The following SH2D4B variants were observed in gnomAD, a reference collection of about 807,000 sequenced individuals.
SH2D4B encodes SH2 domain-containing protein 4B.
SH2D4B carries 45 observed loss-of-function variants against 61.5 expected under a neutral mutation model. The observed-to-expected ratio is 0.73, with a 90% CI of 0.58 to 0.94. The LOEUF (loss-of-function observed/expected upper bound fraction) is 0.94. SH2D4B is among the 40% of genes least tolerant of loss of function. The pLI, the probability that SH2D4B is intolerant of heterozygous loss-of-function variation, is 0.00. For synonymous variants in SH2D4B, 224 were observed against 220.4 expected (o/e 1.02, Z -0.14); for missense variants, 572 against 574.2 (o/e 1.00, Z 0.04).
At chr10:80,607,076 G>T (rs532248843) in intron 5 of SH2D4B, among the ~76,000 whole-genome samples, 1 of 152,258 alleles carries the variant, frequency 6.6e-6, no homozygotes, top group South Asian at 2.1e-4. Context: ...AAATTTTAAG[G>T]TATATAAATG....
intron 1 of SH2D4B, among the ~76,000 whole-genome samples, chr10:80,544,639 C>G (rs1023254669): frequency 6.6e-6 from 1 of 152,250 alleles, no homozygotes; most frequent in Non-Finnish European, 1.5e-5. Flanking sequence ...GCATGCCAGC[C>G]CTGCCTGGAC....
rs74456130 is a variant in SH2D4B at position 80,566,835 on chromosome 10, A to C, written c.185-3319A>C. Among the ~76,000 whole-genome samples, 585 of 152,246 alleles carry C rather than the reference A, an allele frequency of 3.8e-3. 29 individuals are homozygous for C. In the East Asian group the frequency reaches 0.09, roughly 23 times the overall value. On this transcript the variant is annotated intron_variant, in intron 1 of 7. Coordinates refer to ENST00000646907, the MANE Select transcript of SH2D4B (RefSeq NM_001388272.1). Reference sequence around the variant, plus strand: ...TTTATTTTTACCCACTATTAATTTGAAAGTTTTATAATTCTAAGCAGTGGT... The same window carrying C: ...TTTATTTTTACCCACTATTAATTTGCAAGTTTTATAATTCTAAGCAGTGGT...
chr10:80,637,737 A>G (rs1489569310), intron 7 of SH2D4B, among the ~76,000 whole-genome samples: 2 of 152,226 alleles, frequency 1.3e-5, no homozygotes, highest in African/African-American at 4.8e-5. Flanking sequence ...GCAAACAGGA[A>G]CAATTTGACT....
chr10:80,593,245 A>G (rs915868120), intron 4 of SH2D4B, among the ~76,000 whole-genome samples: 4 of 152,170 alleles, frequency 2.6e-5, no homozygotes, highest in African/African-American at 9.7e-5. Flanking sequence ...AGGTAGCTGG[A>G]ATTTTGATAG....
At chr10:80,561,050 G>A (rs1424745074) in intron 1 of SH2D4B, among the ~76,000 whole-genome samples, 1 of 152,150 alleles carries the variant, frequency 6.6e-6, no homozygotes, top group Non-Finnish European at 1.5e-5. Flanking sequence ...CATTTCTGTT[G>A]CAAACTGATG....
chr10:80,619,353 C>T (rs965107491), intron 6 of SH2D4B, among the ~76,000 whole-genome samples: 1 of 152,208 alleles, frequency 6.6e-6, no homozygotes, highest in African/African-American at 2.4e-5. Context: ...AGGGTAGCTA[C>T]CCTGAAGGAT....
At position 80,538,678 on chromosome 10, in the gene SH2D4B, TTTTGCC is replaced by T. The variant is rs1428088661; in HGVS notation, c.184+167_184+172del. On this transcript the variant is annotated intron_variant, in intron 1 of 7. Transcript: ENST00000646907. This position sits in a 1 kb window ranked among gnomAD's most constrained non-coding sequence, Gnocchi z 4.8. ...GGCATCAGGTCCCATGAGCCTGTGC[TTTTGCC>T]TTTTGGCCAGGACCTTAGGGCTTCG... Among the ~76,000 whole-genome samples the T allele has an allele frequency of 6.6e-6, 1 of 152,192 alleles. No homozygotes were observed. Among genetic ancestry groups the T allele is most frequent in the East Asian group, 1.9e-4 (1 of 5,186 alleles).
intron 5 of SH2D4B, among the ~76,000 whole-genome samples, chr10:80,605,814 C>A (rs916419060): frequency 6.6e-6 from 1 of 152,200 alleles, no homozygotes; most frequent in Admixed American, 6.5e-5. Context: ...CCACCACACC[C>A]GACCTCTTTT....
chr10:80,637,902 G>T (rs1840213421), intron 7 of SH2D4B, among the ~76,000 whole-genome samples: 1 of 152,144 alleles, frequency 6.6e-6, no homozygotes, highest in Non-Finnish European at 1.5e-5. Flanking sequence ...TGCCCATTCA[G>T]TATGATATTG....
At chr10:80,577,523 T>C (rs1842139923) in intron 3 of SH2D4B, among the ~76,000 whole-genome samples, 1 of 150,990 alleles carries the variant, frequency 6.6e-6, no homozygotes, top group Non-Finnish European at 1.5e-5. Context: ...ACCTCCCAGG[T>C]TCATGCCATT....
chr10:80,577,430 G>GT (rs71482785), intron 3 of SH2D4B, among the ~76,000 whole-genome samples: 21,900 of 143,810 alleles, frequency 0.15, 2,855 homozygotes, highest in African/African-American at 0.35. Context: ...TGAATTTTCT[G>GT]TTTTTTTTTT....
chr10:80,634,450 T>C lies in SH2D4B; in HGVS notation c.1154T>C (p.Leu385Pro), dbSNP rs750595646. 83 of 1,550,364 alleles carry C rather than the reference T, an allele frequency of 5.4e-5. No homozygotes were observed. Among genetic ancestry groups the C allele is most frequent in the Non-Finnish European group, 6.6e-5 (76 of 1,146,990 alleles). Residue 385 changes from leucine (L) to proline (P), a missense_variant, in exon 7 of 8, where the codon CTG becomes CCG. By Grantham distance (98) the Leu-to-Pro change is moderately conservative. Transcript: ENST00000646907. ...VDASGDFYSFLGVDPNRHATL... is the reference protein window; with the variant it reads ...VDASGDFYSFPGVDPNRHATL... ...GCTTCTGGGGATTTTTACAGCTTCC[T>C]GGGAGTGGACCCCAATCGCCATGCA... is the stretch of plus-strand genomic sequence containing the variant.
At chr10:80,638,499 C>T (rs906811464) in intron 7 of SH2D4B, among the ~76,000 whole-genome samples, 10 of 152,134 alleles carry the variant, frequency 6.6e-5, no homozygotes, top group Admixed American at 2.0e-4. Flanking sequence ...TCAACTTCTT[C>T]CTGGTTTAGT....
chr10:80,615,995 G>A (rs1055110073), intron 6 of SH2D4B, among the ~76,000 whole-genome samples: 5 of 152,128 alleles, frequency 3.3e-5, no homozygotes, highest in Non-Finnish European at 5.9e-5. Flanking sequence ...ACCGAGGCAC[G>A]TGCAAGGTGG....
chr10:80,628,302 A>G (rs1356573412), intron 6 of SH2D4B, among the ~76,000 whole-genome samples: 1 of 152,154 alleles, frequency 6.6e-6, no homozygotes, highest in Non-Finnish European at 1.5e-5. Flanking sequence ...TTCCTGTGCT[A>G]TTCTCGTGAT....
At chr10:80,604,278 G>GTTTA (rs1842489994) in intron 5 of SH2D4B, among the ~76,000 whole-genome samples, 1 of 152,210 alleles carries the variant, frequency 6.6e-6, no homozygotes, top group Admixed American at 6.5e-5. Flanking sequence ...GTTGGTTGCA[G>GTTTA]GCGGGTCCTC....
At chr10:80,606,963 A>C (rs1842526482) in intron 5 of SH2D4B, among the ~76,000 whole-genome samples, 1 of 152,248 alleles carries the variant, frequency 6.6e-6, no homozygotes, top group South Asian at 2.1e-4. Flanking sequence ...TTTTCTGAAA[A>C]TAAAAGTGAC....
At chr10:80,587,570 C>A (rs536232613) in intron 3 of SH2D4B, among the ~76,000 whole-genome samples, 4 of 152,256 alleles carry the variant, frequency 2.6e-5, no homozygotes, top group African/African-American at 9.6e-5. Context: ...TGAGCCACGA[C>A]GCCCAGCTTT....
At chr10:80,554,775 C>T (rs991674477) in intron 1 of SH2D4B, among the ~76,000 whole-genome samples, 2 of 151,958 alleles carry the variant, frequency 1.3e-5, no homozygotes, top group African/African-American at 2.4e-5. Context: ...TTTGGGAGGC[C>T]GAGGCGGGTG....
Sources: allele counts gnomAD v4.1 joint callset (sites outside exome capture counted in the v4.1 genomes callset), GRCh38; gene constraint gnomAD v4.1.1; non-coding constraint Gnocchi (gnomAD v3.1); transcripts MANE v1.5; gene names NCBI Gene and HGNC (gene_info 2026-07-23, HGNC 2026-07-21).